The following SOX5 variants were observed in gnomAD, a reference collection of about 807,000 sequenced individuals.
The protein encoded by SOX5 is SRY-box transcription factor 5.
A neutral mutation model predicts 92.0 loss-of-function variants in SOX5; 9 were observed. The ratio of observed to expected loss-of-function variants is 0.10; its 90% CI spans 0.06 to 0.17. The LOEUF (loss-of-function observed/expected upper bound fraction) is 0.17, where lower values mean the gene tolerates loss of function less well. Ranked by LOEUF, SOX5 falls within the 10% of genes least tolerant of loss-of-function variation. SOX5 has a pLI of 1.00. For synonymous variants in SOX5, 344 were observed against 336.3 expected (o/e 1.02, Z -0.25); for missense variants, 642 against 944.5 (o/e 0.68, Z 4.20).
intron 1 of SOX5, among the ~76,000 whole-genome samples, chr12:24,530,893 A>G (rs895886807): frequency 2.0e-5 from 3 of 151,454 alleles, no homozygotes; most frequent in Non-Finnish European, 4.4e-5. Context: ...ACAATGAGGA[A>G]TCTGGACACA....
chr12:23,749,454 T>C (rs1221091620), intron 4 of SOX5, among the ~76,000 whole-genome samples: 1 of 151,902 alleles, frequency 6.6e-6, no homozygotes, highest in Non-Finnish European at 1.5e-5. Flanking sequence ...TTGGCTTAGA[T>C]TTAAATATAT....
intron 4 of SOX5, among the ~76,000 whole-genome samples, chr12:24,003,958 G>A (rs1003930955): frequency 2.0e-5 from 3 of 151,990 alleles, no homozygotes; most frequent in South Asian, 2.1e-4. Context: ...TATGTAAGTC[G>A]CTAGAACAGA....
intron 6 of SOX5, among the ~76,000 whole-genome samples, chr12:23,694,564 G>A (rs1233926509): frequency 6.6e-6 from 1 of 151,776 alleles, no homozygotes; most frequent in African/African-American, 2.4e-5. Flanking sequence ...GCTTTACAGA[G>A]GTATAATTTA....
chr12:23,706,459 A>G (rs1448029750), intron 6 of SOX5, among the ~76,000 whole-genome samples: 1 of 152,076 alleles, frequency 6.6e-6, no homozygotes, highest in African/African-American at 2.4e-5. Flanking sequence ...TGTCAAATAC[A>G]TGGTCTCATG....
intron 11 of SOX5, among the ~76,000 whole-genome samples, chr12:23,552,475 C>T (rs927540643): frequency 1.3e-4 from 19 of 151,554 alleles, no homozygotes; most frequent in Admixed American, 2.6e-4. Flanking sequence ...AGAAATTACA[C>T]AGGATCCTGA....
chr12:23,679,207 G>A (rs1271626109), intron 6 of SOX5, among the ~76,000 whole-genome samples: 1 of 152,102 alleles, frequency 6.6e-6, no homozygotes, highest in Non-Finnish European at 1.5e-5. Flanking sequence ...GGTAAATGTA[G>A]ACAGCACTTA....
intron 1 of SOX5, among the ~76,000 whole-genome samples, chr12:24,450,583 C>T (rs1566195179): frequency 6.6e-6 from 1 of 152,058 alleles, no homozygotes; most frequent in Admixed American, 6.6e-5. Context: ...CAACTTCTGC[C>T]TCCCAGGCTC....
intron 2 of SOX5, among the ~76,000 whole-genome samples, chr12:24,340,888 A>G (rs1405459545): frequency 6.6e-6 from 1 of 152,204 alleles, no homozygotes; most frequent in Non-Finnish European, 1.5e-5. Flanking sequence ...CGAAGTGCAC[A>G]TCGCCACTGA....
chr12:24,313,114 T>C (rs1482355495), intron 2 of SOX5, among the ~76,000 whole-genome samples: 1 of 152,192 alleles, frequency 6.6e-6, no homozygotes, highest in African/African-American at 2.4e-5. Context: ...TGGGCTTTCT[T>C]ACTACTTTGA....
intron 3 of SOX5, among the ~76,000 whole-genome samples, chr12:23,838,705 A>T (rs1332959825): frequency 6.6e-6 from 1 of 152,046 alleles, no homozygotes; most frequent in Non-Finnish European, 1.5e-5. Context: ...AAACATTCTC[A>T]TGTTCAGGTA....
At chr12:23,802,888 C>T (rs550528633) in intron 3 of SOX5, among the ~76,000 whole-genome samples, 27 of 152,272 alleles carry the variant, frequency 1.8e-4, no homozygotes, top group Non-Finnish European at 1.6e-4. Flanking sequence ...TTAGTAACTG[C>T]CTACTTCTCA....
intron 9 of SOX5, chr12:23,584,632 G>T (rs11046992): frequency 1.9e-6 from 3 of 1,561,854 alleles, no homozygotes; most frequent in Non-Finnish European, 2.6e-6. Context: ...TGACAGTTAC[G>T]ACAGTTAACT....
intron 1 of SOX5, among the ~76,000 whole-genome samples, chr12:24,419,682 C>G (rs527674700): frequency 1.3e-5 from 2 of 152,260 alleles, no homozygotes; most frequent in South Asian, 4.1e-4. Context: ...GTGCTTACTC[C>G]CTTATTTCTA....
chr12:23,619,556 G>A (rs571508212), intron 8 of SOX5, among the ~76,000 whole-genome samples: 1 of 152,246 alleles, frequency 6.6e-6, no homozygotes, highest in East Asian at 1.9e-4. Flanking sequence ...TTTTAATACA[G>A]TAGTAGGGTT....
At chr12:24,361,422 C>T (rs1955538319) in intron 2 of SOX5, among the ~76,000 whole-genome samples, 1 of 152,114 alleles carries the variant, frequency 6.6e-6, no homozygotes, top group Admixed American at 6.5e-5. Flanking sequence ...TCCATTTCCT[C>T]AGCTGAAAAA....
At chr12:23,596,032 C>G (rs73273887) in intron 9 of SOX5, among the ~76,000 whole-genome samples, 2 of 152,186 alleles carry the variant, frequency 1.3e-5, no homozygotes, top group Non-Finnish European at 2.9e-5. Flanking sequence ...TACCTTGAGA[C>G]TGGGTTATTG....
intron 3 of SOX5, among the ~76,000 whole-genome samples, chr12:24,240,364 TTG>T (rs1965339424): frequency 6.6e-6 from 1 of 152,184 alleles, no homozygotes; most frequent in South Asian, 2.1e-4. Context: ...TGAAAATTCA[TTG>T]TGTCAGGTTG....
rs34363532 is a variant in SOX5, at chr12:23,829,117, TA to T, written c.481+16865del. 3.4e-3 allele frequency among the ~76,000 whole-genome samples: 502 copies of T among 147,384 alleles called. 9 individuals are homozygous for T. The highest frequency in any genetic ancestry group is 0.012 in the African/African-American group (469 of 40,214). The stretch of plus-strand genomic sequence containing the variant: ...GCCTTTCCCATAAACAACTCCTATT[TA>T]AAAAAAAAAGACCAAGCATCCACTA... On this transcript the variant is annotated intron_variant, in intron 3 of 14. Coordinates refer to ENST00000451604, the MANE Select transcript of SOX5 (RefSeq NM_006940.6).
At chr12:23,739,180 G>A (rs1328027138) in intron 5 of SOX5, among the ~76,000 whole-genome samples, 1 of 152,188 alleles carries the variant, frequency 6.6e-6, no homozygotes, top group East Asian at 1.9e-4. Context: ...CTCCACCTGG[G>A]ATGGTGAATG....
Sources: gnomAD v4.1 joint callset for allele counts (sites outside exome capture counted in the v4.1 genomes callset) on GRCh38, gnomAD v4.1.1 for gene constraint, MANE v1.5 for transcripts, NCBI Gene and HGNC (gene_info 2026-07-23, HGNC 2026-07-21) for gene names.